Variants in KIAA1671 observed in about 807,000 individuals in gnomAD.
KIAA1671 encodes the protein uncharacterized protein KIAA1671.
A neutral mutation model predicts 131.2 loss-of-function variants in KIAA1671; 52 were observed. That is an observed-to-expected ratio of 0.40 (90% confidence interval 0.32 to 0.50). The LOEUF is 0.50. Ranked by LOEUF, KIAA1671 falls within the 20% of genes least tolerant of loss-of-function variation. KIAA1671 has a pLI of 0.73. For missense variants in KIAA1671, 2,360 were observed against 2,364.2 expected (o/e 1.00, Z 0.04); for synonymous variants, 1,003 against 961.6 (o/e 1.04, Z -0.80).
intron 4 of KIAA1671, among the ~76,000 whole-genome samples, chr22:25,037,696 A>G (rs1185644283): frequency 6.6e-6 from 1 of 152,054 alleles, no homozygotes; most frequent in Non-Finnish European, 1.5e-5. Context: ...CTATGGATTT[A>G]CCTATGATGT....
chr22:25,101,779 C>A (rs1393540325), intron 6 of KIAA1671, among the ~76,000 whole-genome samples: 1 of 152,076 alleles, frequency 6.6e-6, no homozygotes, highest in African/African-American at 2.4e-5. Context: ...ACAGTGGGTA[C>A]GATGAGAGCC....
chr22:24,979,541 G>A lies in KIAA1671; in HGVS notation c.-208+26769G>A, dbSNP rs200833093. Among the ~76,000 whole-genome samples, 30 of 149,946 alleles carry A rather than the reference G, an allele frequency of 2.0e-4. No homozygotes were observed. The East Asian group carries it at 5.0e-3, about 25-fold the overall frequency. ...ATTTTTTGTATTTTTAGTAGAGACAGGGTTTCACTGTGTTAGCCAAGATGG... is the reference window on the plus strand; with the variant it reads ...ATTTTTTGTATTTTTAGTAGAGACAAGGTTTCACTGTGTTAGCCAAGATGG... On this transcript the variant is annotated intron_variant, in intron 1 of 12. Coordinates refer to ENST00000358431, the MANE Select transcript of KIAA1671 (RefSeq NM_001145206.2).
chr22:25,183,222 C>A (rs939615650), intron 10 of KIAA1671, among the ~76,000 whole-genome samples: 2 of 152,226 alleles, frequency 1.3e-5, no homozygotes, highest in African/African-American at 4.8e-5. Context: ...GTATGCCATG[C>A]AGGCCACACA....
At chr22:24,977,758 G>A (rs1327113748) in intron 1 of KIAA1671, among the ~76,000 whole-genome samples, 2 of 152,206 alleles carry the variant, frequency 1.3e-5, no homozygotes, top group African/African-American at 4.8e-5. Flanking sequence ...TTGGCTCTGG[G>A]CTCTGGGCAG....
chr22:25,023,873 A>C (rs1195641276), intron 1 of KIAA1671: 1 of 151,864 alleles, frequency 6.6e-6, no homozygotes, highest in Non-Finnish European at 1.5e-5. Context: ...CGAACCTGGG[A>C]GGCAGAGGTT....
At chr22:25,171,612 G>T (rs1236790725) in intron 7 of KIAA1671, among the ~76,000 whole-genome samples, 2 of 151,976 alleles carry the variant, frequency 1.3e-5, no homozygotes. Context: ...CTGCTCAGGA[G>T]GCTGAAGCAC....
chr22:25,147,254 G>A (rs996761589), intron 6 of KIAA1671, among the ~76,000 whole-genome samples: 1 of 151,602 alleles, frequency 6.6e-6, no homozygotes, highest in Admixed American at 6.6e-5. Context: ...GTGCAGTGGT[G>A]CAGTCTTGGC....
intron 5 of KIAA1671, among the ~76,000 whole-genome samples, chr22:25,043,563 C>G (rs1927061655): frequency 6.6e-6 from 1 of 152,188 alleles, no homozygotes. Flanking sequence ...ATAAGGACCA[C>G]CCTTTGAAGC....
At chr22:25,142,052 C>T (rs546114221) in intron 6 of KIAA1671, among the ~76,000 whole-genome samples, 10 of 152,286 alleles carry the variant, frequency 6.6e-5, no homozygotes, top group African/African-American at 2.4e-4. Context: ...CCATGAGACA[C>T]CACCAAAATG....
intron 6 of KIAA1671, among the ~76,000 whole-genome samples, chr22:25,169,112 A>G (rs906574534): frequency 2.0e-5 from 3 of 152,088 alleles, no homozygotes; most frequent in Admixed American, 1.3e-4. Flanking sequence ...CAAATTCCTC[A>G]TCAAAAGACA....
At chr22:24,997,209 A>T (rs1004864182) in intron 1 of KIAA1671, among the ~76,000 whole-genome samples, 1 of 152,206 alleles carries the variant, frequency 6.6e-6, no homozygotes, top group Non-Finnish European at 1.5e-5. Flanking sequence ...GGTTGGTGTC[A>T]CAAAGAAACA....
intron 1 of KIAA1671, among the ~76,000 whole-genome samples, chr22:25,003,596 T>G (rs915007877): frequency 6.6e-6 from 1 of 151,716 alleles, no homozygotes; most frequent in Non-Finnish European, 1.5e-5. Flanking sequence ...GTATTTTTAG[T>G]AGAGACGGGG....
intron 6 of KIAA1671, among the ~76,000 whole-genome samples, chr22:25,093,840 C>CTCTG: frequency 1.8e-5 from 1 of 57,088 alleles, no homozygotes; most frequent in East Asian, 7.7e-4. Flanking sequence ...CTCTGTCTGT[C>CTCTG]TCTCTCTCTC....
At chr22:25,112,381 C>G (rs1931410094) in intron 6 of KIAA1671, 2 of 399,022 alleles carry the variant, frequency 5.0e-6, no homozygotes, top group African/African-American at 2.1e-5. Flanking sequence ...GTCGGGAATC[C>G]TTCCGCCGCT....
intron 6 of KIAA1671, among the ~76,000 whole-genome samples, chr22:25,094,443 A>T (rs1027905254): frequency 8.5e-5 from 13 of 152,224 alleles, no homozygotes; most frequent in African/African-American, 3.1e-4. Flanking sequence ...GGTCTGTCCA[A>T]GGCCCCTCAG....
At chr22:25,078,436 G>A (rs931172224) in intron 6 of KIAA1671, among the ~76,000 whole-genome samples, 4 of 152,216 alleles carry the variant, frequency 2.6e-5, no homozygotes, top group Non-Finnish European at 2.9e-5. Context: ...GGCTGAGGCA[G>A]AAGGATCACC....
At chr22:24,966,981 G>A (rs1922338544) in intron 1 of KIAA1671, among the ~76,000 whole-genome samples, 1 of 152,132 alleles carries the variant, frequency 6.6e-6, no homozygotes, top group Non-Finnish European at 1.5e-5. Flanking sequence ...TGAATGAATG[G>A]GTTCTAGGCC....
chr22:25,178,950 G>A (rs1399194512), intron 9 of KIAA1671, among the ~76,000 whole-genome samples: 1 of 152,266 alleles, frequency 6.6e-6, no homozygotes, highest in East Asian at 1.9e-4. Flanking sequence ...GACCTGCCCT[G>A]ACCTGCACGT....
intron 1 of KIAA1671, among the ~76,000 whole-genome samples, chr22:24,962,710 A>G (rs1007370586): frequency 1.3e-5 from 2 of 152,304 alleles, no homozygotes; most frequent in South Asian, 4.1e-4. Context: ...TTATTAGTCT[A>G]CGGAGGCCCA....
Sources: gnomAD v4.1 joint callset for allele counts (sites outside exome capture counted in the v4.1 genomes callset) on GRCh38, gnomAD v4.1.1 for gene constraint, MANE v1.5 for transcripts, NCBI Gene and HGNC (gene_info 2026-07-23, HGNC 2026-07-21) for gene names.